The following TET1 variants were observed in gnomAD, a reference collection of about 807,000 sequenced individuals.
The protein encoded by TET1 is methylcytosine dioxygenase TET1.
Under a neutral mutation model 148.7 loss-of-function variants are expected in TET1, and 13 were observed. The observed-to-expected ratio is 0.09, with a 90% CI of 0.06 to 0.14. The LOEUF (loss-of-function observed/expected upper bound fraction) is 0.14. TET1 is among the 10% of genes least tolerant of loss of function. TET1 has a pLI of 1.00. For synonymous variants in TET1, 907 were observed against 937.2 expected (o/e 0.97, Z 0.59); for missense variants, 2,182 against 2,553.8 (o/e 0.85, Z 3.14).
At chr10:68,593,146 C>T (rs1042099981) in intron 2 of TET1, among the ~76,000 whole-genome samples, 2 of 147,430 alleles carry the variant, frequency 1.4e-5, no homozygotes, top group African/African-American at 2.5e-5. Context: ...GCAGGAGAAT[C>T]GCTTGAACCC....
chr10:68,687,017 A>G (rs1271200170), intron 11 of TET1, among the ~76,000 whole-genome samples: 2 of 151,218 alleles, frequency 1.3e-5, no homozygotes, highest in African/African-American at 4.9e-5. Context: ...CGTCCTGCTT[A>G]GCTGGGACCA....
rs1398675945 is a variant in TET1 at position 68,581,172 on chromosome 10, AGT to A, written c.1914+6925_1914+6926del. ...GTCTCCCATTCTTTAATTGTATGAC[AGT>A]GTGTTATGTAATCTTCTGAGAGGTA... is the stretch of plus-strand genomic sequence containing the variant. On this transcript the variant is annotated intron_variant, in intron 2 of 11. Transcript: ENST00000373644. 8.5e-5 allele frequency among the ~76,000 whole-genome samples: 13 copies of A among 152,276 alleles called. No homozygotes were observed. The East Asian group carries it at 2.5e-3, about 29-fold the overall frequency.
At chr10:68,580,801 A>ATATAT (rs1554930531) in intron 2 of TET1, among the ~76,000 whole-genome samples, 7 of 125,464 alleles carry the variant, frequency 5.6e-5, no homozygotes, top group African/African-American at 2.2e-4. Flanking sequence ...AAAAAAAAAA[A>ATATAT]AAAAATATAT....
At chr10:68,565,783 C>A (rs79913633) in intron 1 of TET1, among the ~76,000 whole-genome samples, 1 of 151,988 alleles carries the variant, frequency 6.6e-6, no homozygotes, top group South Asian at 2.1e-4. Context: ...AATAGTGGAG[C>A]CATGAGTGAT....
chr10:68,624,650 T>TCTCTCTCTCTCTC (rs2054437011), intron 3 of TET1, among the ~76,000 whole-genome samples: 1 of 57,038 alleles, frequency 1.8e-5, no homozygotes, highest in African/African-American at 1.1e-4. Flanking sequence ...CTTTCTTTCT[T>TCTCTCTCTCTCTC]TCTTTCTTTC....
chr10:68,565,520 T>G (rs2053599218), intron 1 of TET1, among the ~76,000 whole-genome samples: 1 of 148,096 alleles, frequency 6.8e-6, no homozygotes, highest in Admixed American at 6.8e-5. Context: ...ACACACACAT[T>G]TTTGTATGAA....
intron 2 of TET1, among the ~76,000 whole-genome samples, chr10:68,591,827 C>T (rs139688132): frequency 0.039 from 5,888 of 152,118 alleles, 374 homozygotes; most frequent in African/African-American, 0.13. Flanking sequence ...ATGGTGTGAA[C>T]CCAAGAGGCA....
chr10:68,593,531 G>C (rs1048766774), intron 2 of TET1, among the ~76,000 whole-genome samples: 1 of 151,704 alleles, frequency 6.6e-6, no homozygotes, highest in East Asian at 1.9e-4. Flanking sequence ...TCTGCCTCCG[G>C]GGTTCAAGGG....
chr10:68,649,884 T>C (rs73262411), intron 4 of TET1, among the ~76,000 whole-genome samples: 93 of 152,324 alleles, frequency 6.1e-4, no homozygotes, highest in African/African-American at 2.1e-3. Flanking sequence ...CACTAACATG[T>C]CATTAGTAAA....
At chr10:68,639,301 A>G (rs547700728) in intron 3 of TET1, among the ~76,000 whole-genome samples, 41 of 152,032 alleles carry the variant, frequency 2.7e-4, no homozygotes, top group Middle Eastern at 3.4e-3. Flanking sequence ...GTGAGCCTGT[A>G]ATCCCAGCTA....
At chr10:68,624,073 A>G (rs906128622) in intron 3 of TET1, among the ~76,000 whole-genome samples, 6 of 149,594 alleles carry the variant, frequency 4.0e-5, no homozygotes, top group African/African-American at 1.5e-4. Context: ...TTTAACACAC[A>G]TATTTTCTTT....
At chr10:68,564,275 A>G (rs1281702433) in intron 1 of TET1, among the ~76,000 whole-genome samples, 1 of 150,762 alleles carries the variant, frequency 6.6e-6, no homozygotes, top group African/African-American at 2.4e-5. Flanking sequence ...CAGCTTCCCT[A>G]GTAGCTAGGA....
At chr10:68,650,174 C>T (rs1177689408) in intron 4 of TET1, among the ~76,000 whole-genome samples, 2 of 152,142 alleles carry the variant, frequency 1.3e-5, no homozygotes, top group African/African-American at 4.8e-5. Context: ...TCTCTATCTT[C>T]CACCCACTAG....
chr10:68,632,401 G>A (rs912989350), intron 3 of TET1: 5 of 1,610,348 alleles, frequency 3.1e-6, no homozygotes, highest in Admixed American at 3.3e-5. Flanking sequence ...CGGTGAGCCC[G>A]AGGAGAGGAA....
At chr10:68,604,305 A>T (rs1479625033) in intron 3 of TET1, among the ~76,000 whole-genome samples, 1 of 152,222 alleles carries the variant, frequency 6.6e-6, no homozygotes, top group Admixed American at 6.5e-5. Context: ...CCCTGGAGAA[A>T]ATCAGACAGC....
At chr10:68,631,416 ATT>A (rs1388432306) in intron 3 of TET1, among the ~76,000 whole-genome samples, 39 of 135,434 alleles carry the variant, frequency 2.9e-4, no homozygotes, top group African/African-American at 9.8e-4. Flanking sequence ...TCCCCAGAAG[ATT>A]TTGTTTTCTT....
At chr10:68,576,802 G>A (rs1403435509) in intron 2 of TET1, among the ~76,000 whole-genome samples, 1 of 151,838 alleles carries the variant, frequency 6.6e-6, no homozygotes, top group Admixed American at 6.6e-5. Context: ...GCATGATCTC[G>A]GCTCCCAAGT....
intron 7 of TET1, among the ~76,000 whole-genome samples, chr10:68,670,126 A>G (rs992884577): frequency 7.2e-5 from 11 of 152,202 alleles, no homozygotes; most frequent in South Asian, 6.2e-4. Flanking sequence ...CCTAAAAATG[A>G]GGATTGTTCT....
At position 68,682,775 on chromosome 10, in the gene TET1, T is replaced by C; in HGVS notation, c.4915-61T>C. On this transcript the variant is annotated intron_variant, in intron 9 of 11. Coordinates refer to ENST00000373644, the MANE Select transcript of TET1 (RefSeq NM_030625.3). ...TCATGAGGAAATTATTTTTACTCTT[T>C]ACTGAAGGTAGGTGATTTCCTTCTC... 6 of 1,534,160 alleles carry C rather than the reference T, an allele frequency of 3.9e-6. No individual in the cohort carries two copies. In the South Asian group the frequency reaches 5.0e-5, roughly 13 times the overall value.
Sources: gnomAD v4.1 joint callset for allele counts (sites outside exome capture counted in the v4.1 genomes callset) on GRCh38, gnomAD v4.1.1 for gene constraint, MANE v1.5 for transcripts, NCBI Gene and HGNC (gene_info 2026-07-23, HGNC 2026-07-21) for gene names.